Variants in DLG2 observed in about 807,000 individuals in gnomAD.
DLG2 encodes discs large MAGUK scaffold protein 2.
Under a neutral mutation model 132.5 loss-of-function variants are expected in DLG2, and 45 were observed. The observed-to-expected ratio is 0.34, with a 90% CI of 0.27 to 0.44. The LOEUF (loss-of-function observed/expected upper bound fraction) is 0.44. Ranked by LOEUF, DLG2 falls within the 20% of genes least tolerant of loss-of-function variation. The pLI is 1.00. For missense variants in DLG2, 1,045 were observed against 1,196.9 expected (o/e 0.87, Z 1.87); for synonymous variants, 424 against 419.6 (o/e 1.01, Z -0.13).
intron 6 of DLG2, among the ~76,000 whole-genome samples, chr11:84,658,454 T>A (rs1837091572): frequency 6.6e-6 from 1 of 152,146 alleles, no homozygotes; most frequent in Admixed American, 6.6e-5. Flanking sequence ...ATTTATGCCC[T>A]TATAAAAGAA....
intron 12 of DLG2, among the ~76,000 whole-genome samples, chr11:83,971,169 A>G (rs2091262843): frequency 6.6e-6 from 1 of 151,888 alleles, no homozygotes; most frequent in Admixed American, 6.6e-5. Context: ...AATGGTGAAC[A>G]CTGAGCAACT....
At chr11:83,923,412 A>G (rs2078318780) in intron 15 of DLG2, among the ~76,000 whole-genome samples, 1 of 152,108 alleles carries the variant, frequency 6.6e-6, no homozygotes, top group Non-Finnish European at 1.5e-5. Flanking sequence ...AATGCACATG[A>G]TTAGTATGGC....
intron 3 of DLG2, among the ~76,000 whole-genome samples, chr11:85,515,836 T>C (rs2094159156): frequency 6.6e-6 from 1 of 152,008 alleles, no homozygotes; most frequent in African/African-American, 2.4e-5. Flanking sequence ...ATCTGGTTTG[T>C]GATGAGTAAA....
At chr11:84,097,370 G>A (rs920339168) in intron 10 of DLG2, among the ~76,000 whole-genome samples, 2 of 152,078 alleles carry the variant, frequency 1.3e-5, no homozygotes, top group African/African-American at 4.8e-5. Flanking sequence ...AGCTTGGCCT[G>A]CCTTCAACAA....
rs1191870537 is a variant in DLG2, at chr11:83,821,621, T to C, written c.1722+11993A>G. ...ACACTAGAATAATATTTGACAGTCA[T>C]GTTTTCATTATTGAACACTTATAAA... On this transcript the variant is annotated intron_variant, in intron 17 of 27. Transcript: ENST00000376104. Among the ~76,000 whole-genome samples the C allele has an allele frequency of 2.6e-5, 4 of 152,178 alleles. No homozygotes were observed. In the East Asian group the frequency reaches 5.8e-4, roughly 22 times the overall value.
intron 6 of DLG2, among the ~76,000 whole-genome samples, chr11:85,096,194 A>G (rs561105391): frequency 8.0e-4 from 122 of 152,310 alleles, no homozygotes; most frequent in African/African-American, 2.9e-3. Flanking sequence ...AAATAAGGGA[A>G]TAAAAGCTGG....
chr11:84,781,927 C>G (rs996314180), intron 6 of DLG2, among the ~76,000 whole-genome samples: 9 of 151,978 alleles, frequency 5.9e-5, no homozygotes, highest in Non-Finnish European at 1.0e-4. Flanking sequence ...GGATGGAGGA[C>G]AGACCTAGGA....
chr11:83,709,124 T>C (rs1471290983), intron 18 of DLG2, among the ~76,000 whole-genome samples: 1 of 151,958 alleles, frequency 6.6e-6, no homozygotes, highest in Non-Finnish European at 1.5e-5. Flanking sequence ...CTGCCAATAA[T>C]ATTCATTCAG....
chr11:85,611,576 C>T (rs572410600), intron 2 of DLG2, among the ~76,000 whole-genome samples: 5 of 152,326 alleles, frequency 3.3e-5, no homozygotes, highest in South Asian at 4.1e-4. Context: ...ATGATGTAAC[C>T]GTACTTGAAA....
intron 16 of DLG2, among the ~76,000 whole-genome samples, chr11:83,870,940 T>G (rs374728634): frequency 6.6e-6 from 1 of 152,154 alleles, no homozygotes; most frequent in South Asian, 2.1e-4. Context: ...TAGAATGCAA[T>G]GTAAAAGGTA....
At chr11:83,923,678 A>G (rs2078377492) in intron 15 of DLG2, among the ~76,000 whole-genome samples, 3 of 152,070 alleles carry the variant, frequency 2.0e-5, no homozygotes, top group Non-Finnish European at 4.4e-5. Flanking sequence ...ACCAAGTACC[A>G]CCTGTTTTAT....
chr11:84,770,803 G>A (rs1219627202), intron 6 of DLG2, among the ~76,000 whole-genome samples: 1 of 150,322 alleles, frequency 6.7e-6, no homozygotes, highest in African/African-American at 2.4e-5. Flanking sequence ...CAGCTACCAC[G>A]CCTGGCTAAT....
intron 6 of DLG2, among the ~76,000 whole-genome samples, chr11:84,698,296 G>A (rs1181849207): frequency 6.6e-6 from 1 of 151,448 alleles, no homozygotes; most frequent in Non-Finnish European, 1.5e-5. Context: ...CTCTGTTTCT[G>A]ATTTCAGACT....
chr11:85,441,774 T>C (rs2091790055), intron 3 of DLG2, among the ~76,000 whole-genome samples: 1 of 152,110 alleles, frequency 6.6e-6, no homozygotes, highest in African/African-American at 2.4e-5. Flanking sequence ...TCCCTGAGGA[T>C]ATAAAAATGA....
At chr11:83,517,125 A>G (rs1330971256) in intron 21 of DLG2, among the ~76,000 whole-genome samples, 2 of 152,134 alleles carry the variant, frequency 1.3e-5, no homozygotes, top group South Asian at 2.1e-4. Context: ...GTGTTTTTCA[A>G]CTTGGTTCCA....
At chr11:84,844,455 G>A (rs960825447) in intron 6 of DLG2, among the ~76,000 whole-genome samples, 5 of 151,860 alleles carry the variant, frequency 3.3e-5, no homozygotes, top group Admixed American at 6.6e-5. Context: ...CATCCCTCCA[G>A]GGACTACCCA....
At chr11:84,715,974 T>C (rs1327297249) in intron 6 of DLG2, among the ~76,000 whole-genome samples, 9 of 152,132 alleles carry the variant, frequency 5.9e-5, no homozygotes. Flanking sequence ...GTAATACATT[T>C]AGAAACCTTC....
At chr11:84,953,017 C>A (rs2051166395) in intron 6 of DLG2, among the ~76,000 whole-genome samples, 1 of 152,156 alleles carries the variant, frequency 6.6e-6, no homozygotes, top group South Asian at 2.1e-4. Context: ...TCTTTCCCAC[C>A]TTTTCATTTC....
intron 14 of DLG2, among the ~76,000 whole-genome samples, chr11:83,960,962 C>T (rs1033967814): frequency 1.3e-5 from 2 of 151,842 alleles, no homozygotes; most frequent in Non-Finnish European, 2.9e-5. Context: ...GTGAGACTGT[C>T]CTCTAGGGGA....
Sources: allele counts gnomAD v4.1 joint callset (sites outside exome capture counted in the v4.1 genomes callset), GRCh38; gene constraint gnomAD v4.1.1; transcripts MANE v1.5; gene names NCBI Gene and HGNC (gene_info 2026-07-23, HGNC 2026-07-21).